The following MYO1D variants were observed in gnomAD, a reference collection of about 807,000 sequenced individuals.
The protein encoded by MYO1D is unconventional myosin-Id.
MYO1D carries 83 observed loss-of-function variants against 122.0 expected under a neutral mutation model. That is an observed-to-expected ratio of 0.68 (90% confidence interval 0.57 to 0.82). The LOEUF (loss-of-function observed/expected upper bound fraction) is 0.82. Among genes scored for constraint, MYO1D ranks in the 40% least tolerant of loss-of-function variants. The probability of loss-of-function intolerance (pLI) is 0.00; values close to 1 mark genes in which losing one functional copy is unlikely to be tolerated. For missense variants in MYO1D, 1,157 were observed against 1,269.5 expected (o/e 0.91, Z 1.35); for synonymous variants, 464 against 446.9 (o/e 1.04, Z -0.48).
At chr17:32,802,949 T>C (rs2090472805) in intron 1 of MYO1D, among the ~76,000 whole-genome samples, 1 of 152,138 alleles carries the variant, frequency 6.6e-6, no homozygotes, top group Non-Finnish European at 1.5e-5. Context: ...CAAATCGCAC[T>C]ATTACACACT....
chr17:32,679,551 T>C (rs1476312539), intron 16 of MYO1D, among the ~76,000 whole-genome samples: 1 of 152,120 alleles, frequency 6.6e-6, no homozygotes, highest in African/African-American at 2.4e-5. Context: ...CTCAGGTTTG[T>C]CAAAGATCAG....
At chr17:32,677,580 A>AAT (rs10523328) in intron 16 of MYO1D, among the ~76,000 whole-genome samples, 4,637 of 133,960 alleles carry the variant, frequency 0.035, 91 homozygotes, top group East Asian at 0.049. Flanking sequence ...TAGATAGATA[A>AAT]ATATATATAT....
At chr17:32,662,616 T>C (rs2088582156) in intron 16 of MYO1D, among the ~76,000 whole-genome samples, 2 of 151,788 alleles carry the variant, frequency 1.3e-5, no homozygotes, top group Non-Finnish European at 2.9e-5. Flanking sequence ...GAGGCTGCAG[T>C]GAGCTGAGAT....
chr17:32,816,363 G>A (rs980295495), intron 1 of MYO1D, among the ~76,000 whole-genome samples: 5 of 152,134 alleles, frequency 3.3e-5, no homozygotes, highest in African/African-American at 4.8e-5. Flanking sequence ...GGGCCCAGAA[G>A]GATACATAAG....
chr17:32,561,309 C>T (rs2087123316), intron 21 of MYO1D, among the ~76,000 whole-genome samples: 1 of 152,038 alleles, frequency 6.6e-6, no homozygotes, highest in South Asian at 2.1e-4. Flanking sequence ...ACAAATTCTA[C>T]ATTTGTAAGT....
At position 32,772,774 on chromosome 17, in the gene MYO1D, T is replaced by A; in HGVS notation, c.618+15A>T. 2.5e-6 allele frequency: 4 copies of A among 1,593,296 alleles called. No individual in the cohort carries two copies. The highest frequency in any genetic ancestry group is 3.4e-6 in the Non-Finnish European group (4 of 1,160,888). On this transcript the variant is annotated intron_variant, in intron 5 of 21. Coordinates refer to ENST00000318217, the MANE Select transcript of MYO1D (RefSeq NM_015194.3). The stretch of plus-strand genomic sequence containing the variant: ...CTGGGCAAATGATCAATTATCTGTA[T>A]AATGGATTACTAACCTGATAGAAAG...
At position 32,543,454 on chromosome 17, in the gene MYO1D, T is replaced by C. The variant is rs111512774; in HGVS notation, c.2865-48539A>G. Among the ~76,000 whole-genome samples the C allele has an allele frequency of 2.8e-4, 42 of 150,228 alleles. 1 individual carries two copies. The highest frequency in any genetic ancestry group is 1.0e-3 in the African/African-American group (41 of 40,892). Reference sequence around the variant, plus strand: ...AGTCGGGCGTGGTGGCGGGCCCCTGTAGTCCCAGCTTCTCGGGAGGCTGAG... The same window carrying C: ...AGTCGGGCGTGGTGGCGGGCCCCTGCAGTCCCAGCTTCTCGGGAGGCTGAG... On this transcript the variant is annotated intron_variant, in intron 21 of 21. Transcript: ENST00000318217.
intron 21 of MYO1D, among the ~76,000 whole-genome samples, chr17:32,577,190 G>A (rs931631074): frequency 3.6e-4 from 52 of 145,872 alleles, no homozygotes; most frequent in African/African-American, 1.3e-3. Flanking sequence ...GGCGGAGCTT[G>A]CAGTGAGCCG....
intron 17 of MYO1D, among the ~76,000 whole-genome samples, chr17:32,657,915 A>G (rs567515814): frequency 1.3e-5 from 2 of 152,358 alleles, no homozygotes; most frequent in Non-Finnish European, 2.9e-5. Flanking sequence ...CTTTATTGGT[A>G]TGGACAGATC....
intron 1 of MYO1D, among the ~76,000 whole-genome samples, chr17:32,875,612 G>A (rs890860094): frequency 5.9e-5 from 9 of 152,194 alleles, no homozygotes; most frequent in Admixed American, 3.3e-4. Flanking sequence ...AATATTTGGG[G>A]TGATTTCTAT....
intron 7 of MYO1D, among the ~76,000 whole-genome samples, chr17:32,766,326 A>T (rs1463744188): frequency 6.6e-6 from 1 of 152,226 alleles, no homozygotes; most frequent in Non-Finnish European, 1.5e-5. Flanking sequence ...TAATCTGTTG[A>T]TCTGGTGCTG....
chr17:32,591,002 A>G (rs2087433749), intron 21 of MYO1D, among the ~76,000 whole-genome samples: 1 of 152,246 alleles, frequency 6.6e-6, no homozygotes. Context: ...ACAATGATGA[A>G]CACGTCACAA....
chr17:32,521,037 C>T (rs947707940), intron 21 of MYO1D, among the ~76,000 whole-genome samples: 1 of 152,222 alleles, frequency 6.6e-6, no homozygotes, highest in African/African-American at 2.4e-5. Flanking sequence ...CACAATGTTT[C>T]CATTGGCTTA....
intron 19 of MYO1D, among the ~76,000 whole-genome samples, chr17:32,644,613 A>G (rs61788118): frequency 6.6e-6 from 1 of 152,172 alleles, no homozygotes; most frequent in African/African-American, 2.4e-5. Flanking sequence ...TTGGGTGCAT[A>G]TATATTTAGG....
At chr17:32,808,679 A>C (rs893893093) in intron 1 of MYO1D, among the ~76,000 whole-genome samples, 1 of 152,156 alleles carries the variant, frequency 6.6e-6, no homozygotes, top group Non-Finnish European at 1.5e-5. Context: ...GCCCTCATGA[A>C]TGAGACTAGT....
chr17:32,554,935 G>T (rs1379750466), intron 21 of MYO1D, among the ~76,000 whole-genome samples: 1 of 152,086 alleles, frequency 6.6e-6, no homozygotes, highest in Admixed American at 6.6e-5. Flanking sequence ...ACACTTGGCT[G>T]GTAGGAGCAT....
At chr17:32,595,493 G>T (rs1028450367) in intron 21 of MYO1D, among the ~76,000 whole-genome samples, 3 of 151,984 alleles carry the variant, frequency 2.0e-5, no homozygotes, top group Non-Finnish European at 2.9e-5. Context: ...AGGAAAAGAG[G>T]TATTCATAAA....
At chr17:32,696,305 G>A (rs2089172176) in intron 16 of MYO1D, among the ~76,000 whole-genome samples, 2 of 151,992 alleles carry the variant, frequency 1.3e-5, no homozygotes, top group South Asian at 4.1e-4. Flanking sequence ...AAAATAACAA[G>A]CAAAAGTAAA....
intron 12 of MYO1D, 156 bp from the exon 13 acceptor site, chr17:32,745,441 A>C: frequency 1.8e-6 from 1 of 545,114 alleles, no homozygotes; most frequent in East Asian, 3.1e-5. Flanking sequence ...AAGGATACCA[A>C]ATTTACCTAC....
Sources: allele counts gnomAD v4.1 joint callset (sites outside exome capture counted in the v4.1 genomes callset), GRCh38; gene constraint gnomAD v4.1.1; transcripts MANE v1.5; gene names NCBI Gene and HGNC (gene_info 2026-07-23, HGNC 2026-07-21).